Variants in SPTBN5 observed in about 807,000 individuals in gnomAD.
SPTBN5 encodes the protein spectrin beta chain, non-erythrocytic 5.
Under a neutral mutation model 477.6 loss-of-function variants are expected in SPTBN5, and 513 were observed. That is an observed-to-expected ratio of 1.07 (90% confidence interval 1.00 to 1.16). SPTBN5 has a LOEUF of 1.16. Ranked by LOEUF, SPTBN5 falls within the 50% of genes most tolerant of loss-of-function variation. The pLI, the probability that SPTBN5 is intolerant of heterozygous loss-of-function variation, is 0.00. For synonymous variants in SPTBN5, 2,169 were observed against 2,011.7 expected, an observed-to-expected ratio of 1.08 and a Z score of -2.09; for missense variants, 5,062 against 4,731.8, an observed-to-expected ratio of 1.07 and a Z score of -2.05.
chr15:41,857,294 C>T lies in SPTBN5; in HGVS notation c.8565G>A (p.Arg2855=). The change falls in exon 51 of 68, where the codon AGG becomes AGA. Residue 2855 remains arginine (R), a synonymous_variant. Coordinates refer to ENST00000320955, the MANE Select transcript of SPTBN5 (RefSeq NM_016642.4). ...ALLGQAQAFV[R]EGHCLAQDVE... is the part of the protein sequence containing the mutation. ...CATCTTGGGCAAGGCAGTGGCCTTC[C>T]CTCACAAAGGCCTGGGCCTGGCCCA... 1 of 1,573,034 alleles carries T rather than the reference C, an allele frequency of 6.4e-7. No individual in the cohort carries two copies. The highest frequency in any genetic ancestry group is 8.6e-7 in the Non-Finnish European group (1 of 1,159,636).
Position 41,866,450 on chromosome 15 carries a change from G to C in SPTBN5, c.6524C>G (p.Pro2175Arg). Residue 2175 changes from proline to arginine, a missense_variant, in exon 37 of 68, where the codon CCG (proline) becomes CGG (arginine). By Grantham distance (103) the Pro-to-Arg change is moderately radical. Coordinates refer to ENST00000320955, the MANE Select transcript of SPTBN5 (RefSeq NM_016642.4). The part of the protein sequence containing the change: ...IQAWAQQLKE[P>R]VPPGDLRDKL... ...ATCTCTCAGGTCCCCAGGAGGGACCGGCTCCTTCAGCTGCTGGGCCCACGC... is the reference window on the plus strand; with the variant it reads ...ATCTCTCAGGTCCCCAGGAGGGACCCGCTCCTTCAGCTGCTGGGCCCACGC... 6.3e-7 allele frequency: 1 copy of C among 1,599,676 alleles called. No homozygotes were observed. Among genetic ancestry groups the C allele is most frequent in the Non-Finnish European group, 8.5e-7 (1 of 1,174,134 alleles).
chr15:41,880,207 C>T lies in SPTBN5; in HGVS notation c.2764G>A (p.Val922Met). Residue 922 changes from valine to methionine, a missense_variant, in exon 14 of 68, where the codon GTG becomes ATG. Physicochemically the swap from Val to Met is conservative, Grantham distance 21 (BLOSUM62 1). Transcript: ENST00000320955. ...TCCAGGGTGTCAGCCTGGGGCTGCACCCTTTGGAGCAGCACTGTCTGCTTC... is the reference window on the plus strand; with the variant it reads ...TCCAGGGTGTCAGCCTGGGGCTGCATCCTTTGGAGCAGCACTGTCTGCTTC... ...LEKQTVLLQR[V>M]QPQADTLEVM... is the part of the protein sequence containing the mutation. 1.2e-6 allele frequency: 2 copies of T among 1,605,452 alleles called. No homozygotes were observed. The highest frequency in any genetic ancestry group is 8.5e-7 in the Non-Finnish European group (1 of 1,176,584).
At position 41,888,000 on chromosome 15, in the gene SPTBN5, T is replaced by C. The variant is rs773035700; in HGVS notation, c.587A>G (p.Asn196Ser). The C allele has an allele frequency of 3.1e-6, 5 of 1,602,570 alleles. No homozygotes were observed. The highest frequency in any genetic ancestry group is 1.7e-4 in the Middle Eastern group (1 of 6,042). ...TCGGGAGAAATCTGTAATGTTCACG[T>C]TGGTGTAGCTGGCTGTCTTCCGCTG... ...WCQRKTASYT[N>S]VNITDFSRSW... Residue 196 changes from asparagine to serine, a missense_variant, in exon 5 of 68, where the codon AAC (asparagine) becomes AGC (serine). Physicochemically the swap from Asn to Ser is conservative, Grantham distance 46. Transcript: ENST00000320955.
rs1392320893 is a variant in SPTBN5 at position 41,872,358 on chromosome 15, C to G, written c.5109G>C (p.Val1703=). ...GCTGCTCCCGGAGCCTCTCCTGCAC[C>G]ACACGCTGCTGCTCAGGGACTTCGG... ...TGPEVPEQQR[V]VQERLREQLR... is the part of the protein sequence containing the mutation. Residue 1703 remains valine, a synonymous_variant, in exon 27 of 68, where the codon GTG becomes GTC. Coordinates refer to ENST00000320955, the MANE Select transcript of SPTBN5 (RefSeq NM_016642.4). 6.2e-7 allele frequency: 1 copy of G among 1,611,428 alleles called. No individual in the cohort carries two copies. Among genetic ancestry groups the G allele is most frequent in the African/African-American group, 1.3e-5 (1 of 74,980 alleles).
chr15:41,853,968 G>A, intron 57 of SPTBN5, 82 bp downstream of exon 57: 1 of 1,480,620 alleles, frequency 6.8e-7, no homozygotes, highest in African/African-American at 1.4e-5. Context: ...GCAGGCTGGG[G>A]TGGGAGGGCT....
chr15:41,862,413 G>A (rs1247557587), intron 43 of SPTBN5, 121 bp from the exon 44 acceptor site: 7 of 1,518,380 alleles, frequency 4.6e-6, no homozygotes, highest in South Asian at 1.3e-5. Context: ...GGGAGTTACT[G>A]GGAGGACAGT....
Position 41,853,724 on chromosome 15 carries a change from G to T in SPTBN5, c.9838C>A (p.Gln3280Lys). The change falls in exon 58 of 68, where the codon CAG becomes AAG. Residue 3280 changes from glutamine to lysine, a missense_variant. By Grantham distance (53) the Gln-to-Lys change is moderately conservative. Coordinates refer to ENST00000320955, the MANE Select transcript of SPTBN5 (RefSeq NM_016642.4). ...RLQTEACRLGQLHPAAPGGLA... is the reference protein window; with the variant it reads ...RLQTEACRLGKLHPAAPGGLA... The stretch of plus-strand genomic sequence containing the variant: ...CCCCCCGGAGCTGCAGGATGTAGCT[G>T]GCCCAGTCGGCAGGCCTCCGTCTGT... 6.3e-7 allele frequency: 1 copy of T among 1,591,100 alleles called. No individual in the cohort carries two copies. Among genetic ancestry groups the T allele is most frequent in the Non-Finnish European group, 8.6e-7 (1 of 1,169,368 alleles).
chr15:41,849,836 C>T lies in SPTBN5; in HGVS notation c.11012+33G>A, dbSNP rs1272672968. On this transcript the variant is annotated intron_variant, in intron 67 of 67. Transcript: ENST00000320955. ...CTGCCAGCCACTGAAGCCCAGGGCT[C>T]CCCGCCCTGCTTCCCCCACCCAGGT... is the stretch of plus-strand genomic sequence containing the variant. 2.0e-6 allele frequency: 3 copies of T among 1,525,718 alleles called. No individual in the cohort carries two copies. The Admixed American group carries it at 5.9e-5, about 30-fold the overall frequency. The allele number at this position is 1,525,718 out of a possible 1,614,324, so 94.5% of individuals were successfully genotyped here.
rs765470123 is a variant in SPTBN5, at chr15:41,866,239, G to C, written c.6631-10C>G. 3 of 1,588,660 alleles carry C rather than the reference G, an allele frequency of 1.9e-6. No individual in the cohort carries two copies. Among genetic ancestry groups the C allele is most frequent in the Non-Finnish European group, 2.6e-6 (3 of 1,168,606 alleles). On this transcript the variant is annotated splice_polypyrimidine_tract_variant and intron_variant, in intron 37 of 67. Transcript: ENST00000320955. ...GGAGAGCCTCTCCCTTCTGGAGGGAGAGAGGGGACACAGGACATCTTGCCT... is the reference window on the plus strand; with the variant it reads ...GGAGAGCCTCTCCCTTCTGGAGGGACAGAGGGGACACAGGACATCTTGCCT...
chr15:41,850,638 C>A, intron 66 of SPTBN5: 2 of 570,500 alleles, frequency 3.5e-6, no homozygotes, highest in East Asian at 2.9e-5. Context: ...GGGTTCAAAA[C>A]TGGCCCCATC....
At chr15:41,855,065 C>A (rs1209963747) in intron 55 of SPTBN5, 89 bp from the exon 56 acceptor site, 13 of 1,456,032 alleles carry the variant, frequency 8.9e-6, no homozygotes, top group Non-Finnish European at 1.2e-5. Context: ...TCTGATGGCT[C>A]TGAAATCCCT....
At chr15:41,855,049 G>A (rs1309872654) in intron 55 of SPTBN5, 73 bp from the exon 56 acceptor site, 1 of 1,474,978 alleles carries the variant, frequency 6.8e-7, no homozygotes, top group Non-Finnish European at 9.1e-7. Flanking sequence ...GAAGAGCTCA[G>A]CAGACTCTGA....
In SPTBN5 at chr15:41,852,275, G is replaced by C; in HGVS notation, c.10491C>G (p.Pro3497=). 1 of 1,603,954 alleles carries C rather than the reference G, an allele frequency of 6.2e-7. No individual in the cohort carries two copies. Among genetic ancestry groups the C allele is most frequent in the East Asian group, 2.2e-5 (1 of 44,506 alleles). Residue 3497 remains proline (P), a synonymous_variant, in exon 62 of 68, where the codon CCC becomes CCG. Transcript: ENST00000320955. ...ATGTCAGCGAGCTGCCAGCTCTCCC[G>C]GGCTTCAGCTCCTGTGGCTGCAGCA... The part of the protein sequence containing the change: ...ELLLQPQELK[P]GRAGSSLTSF...
intron 47 of SPTBN5, among the ~76,000 whole-genome samples, chr15:41,859,254 G>T (rs2066022446): frequency 6.6e-6 from 1 of 152,280 alleles, no homozygotes; most frequent in East Asian, 1.9e-4. Flanking sequence ...CACCTCCCGG[G>T]TTCAAGCAAT....
Position 41,851,136 on chromosome 15 carries a change from T to A in SPTBN5, c.10758A>T (p.Ile3586=). 2 of 1,613,158 alleles carry A rather than the reference T, an allele frequency of 1.2e-6. No individual in the cohort carries two copies. The highest frequency in any genetic ancestry group is 2.2e-5 in the South Asian group (2 of 90,960). ...GGGCTCCCGTGAGGTCAAGGAGGGCTATGGAAGCTACTTTCTGAGGAGAGA... is the reference window on the plus strand; with the variant it reads ...GGGCTCCCGTGAGGTCAAGGAGGGCAATGGAAGCTACTTTCTGAGGAGAGA... ...ERMAAEKVAS[I]ALLDLTGARC... is the part of the protein sequence containing the mutation. Residue 3586 remains isoleucine (I), a synonymous_variant, in exon 65 of 68, where the codon ATA becomes ATT. Coordinates refer to ENST00000320955, the MANE Select transcript of SPTBN5 (RefSeq NM_016642.4).
At chr15:41,867,261 C>T (rs997030622) in intron 35 of SPTBN5, 135 bp from the exon 36 acceptor site, 30 of 1,098,554 alleles carry the variant, frequency 2.7e-5, no homozygotes, top group Non-Finnish European at 3.7e-5. Context: ...GTATCTGATC[C>T]TCCCAGCCAC....
chr15:41,851,235 T>C lies in SPTBN5; in HGVS notation c.10743+48A>G, dbSNP rs2065749305. ...CCTCTGTCCTGGGGCCCCTCTGCCT[T>C]GCTTCCCAGCACCCTGATGTCTGCA... On this transcript the variant is annotated intron_variant, in intron 64 of 67. Coordinates refer to ENST00000320955, the MANE Select transcript of SPTBN5 (RefSeq NM_016642.4). 2.6e-6 allele frequency: 4 copies of C among 1,558,018 alleles called. No homozygotes were observed. In the South Asian group the frequency reaches 4.7e-5, roughly 18 times the overall value.
Position 41,854,112 on chromosome 15 carries a change from C to T in SPTBN5, c.9712G>A (p.Glu3238Lys). The change falls in exon 57 of 68, where the codon GAG (glutamate) becomes AAG (lysine). Residue 3238 changes from glutamate to lysine, a missense_variant. Transcript: ENST00000320955. ...GATGACAGGCTGTGGCCTCCGTCCT[C>T]CCCCTTCATCAGGGCCGTCTTCTCC... ...MQEKTALMKGEDGGHSLSSVR... is the reference protein window; with the variant it reads ...MQEKTALMKGKDGGHSLSSVR... 3.8e-6 allele frequency: 6 copies of T among 1,587,506 alleles called. No homozygotes were observed. Among genetic ancestry groups the T allele is most frequent in the Non-Finnish European group, 5.1e-6 (6 of 1,167,842 alleles).
chr15:41,854,307 G>A, intron 56 of SPTBN5, 102 bp from the exon 57 acceptor site: 1 of 1,384,760 alleles, frequency 7.2e-7, no homozygotes, highest in Non-Finnish European at 9.7e-7. Flanking sequence ...TGAACAAGGA[G>A]GATCATGGGG....
Sources: allele counts gnomAD v4.1 joint callset (sites outside exome capture counted in the v4.1 genomes callset), GRCh38; gene constraint gnomAD v4.1.1; transcripts MANE v1.5; gene names NCBI Gene and HGNC (gene_info 2026-07-23, HGNC 2026-07-21).